ADGRL1: variants seen among roughly 807,000 people sequenced by gnomAD.
ADGRL1 encodes CIRL-1.
ADGRL1 carries 31 observed loss-of-function variants against 148.9 expected under a neutral mutation model. The ratio of observed to expected loss-of-function variants is 0.21; its 90% CI spans 0.16 to 0.28. ADGRL1 has a LOEUF of 0.28. ADGRL1 is among the 10% of genes least tolerant of loss of function. The pLI, the probability that ADGRL1 is intolerant of heterozygous loss-of-function variation, is 1.00. For missense variants in ADGRL1, 1,521 were observed against 2,058.8 expected, an observed-to-expected ratio of 0.74 and a Z score of 5.05; for synonymous variants, 937 against 900.3, an observed-to-expected ratio of 1.04 and a Z score of -0.73.
intron 4 of ADGRL1, among the ~76,000 whole-genome samples, chr19:14,164,174 GAA>G (rs1264327308): frequency 6.6e-6 from 1 of 152,034 alleles, no homozygotes; most frequent in Non-Finnish European, 1.5e-5. Flanking sequence ...GACGGGGAAT[GAA>G]AGAGTCTGGC....
rs376009289 is a variant in ADGRL1, at chr19:14,151,020, C to T, written c.4263G>A (p.Ser1421=). The change falls in exon 23 of 23, where the codon TCG becomes TCA. Residue 1421 remains serine, a synonymous_variant. Transcript: ENST00000361434. The part of the protein sequence containing the change: ...PPGPPEIYYT[S]RPPALVARNP... The stretch of plus-strand genomic sequence containing the variant: ...TCCGGGCCACCAGGGCTGGCGGGCG[C>T]GAGGTGTAGTAGATTTCGGGGGGGC... 5.9e-5 allele frequency: 73 copies of T among 1,241,358 alleles called. No individual in the cohort carries two copies. The highest frequency in any genetic ancestry group is 1.0e-4 in the African/African-American group (5 of 48,476). The allele number at this position is 1,241,358 out of a possible 1,614,324, so 76.9% of individuals were successfully genotyped here. A position where few individuals can be genotyped will look rare whatever the true frequency, so the allele number is the denominator to read the frequency against.
chr19:14,197,711 C>T (rs1972349475), intron 1 of ADGRL1, among the ~76,000 whole-genome samples: 2 of 152,202 alleles, frequency 1.3e-5, no homozygotes, highest in Non-Finnish European at 2.9e-5. Context: ...TGGACTTGGG[C>T]TCAGCTGTTA....
chr19:14,165,362 G>T (rs1157329600), intron 4 of ADGRL1, among the ~76,000 whole-genome samples: 1 of 152,208 alleles, frequency 6.6e-6, no homozygotes, highest in African/African-American at 2.4e-5. Flanking sequence ...ACCCCCACCA[G>T]GTGTGTGGCA....
intron 3 of ADGRL1, among the ~76,000 whole-genome samples, chr19:14,175,534 A>G (rs1186211993): frequency 6.6e-6 from 1 of 151,636 alleles, no homozygotes; most frequent in African/African-American, 2.4e-5. Context: ...ATAACCACAT[A>G]TTCACCCACA....
Position 14,151,149 on chromosome 19 carries a change from G to A in ADGRL1, c.4134C>T (p.Ser1378=), listed in dbSNP as rs1968137701. The A allele has an allele frequency of 6.2e-7, 1 of 1,602,812 alleles. No homozygotes were observed. Among genetic ancestry groups the A allele is most frequent in the Non-Finnish European group, 8.5e-7 (1 of 1,175,970 alleles). ...RPLSSPPGRD[S]LYASGANLRD... ...GCAGGTTGGCCCCGCTGGCATAGAG[G>A]GAGTCCCGGCCAGGAGGGGAGGAGA... Residue 1378 remains serine (S), a synonymous_variant, in exon 23 of 23, where the codon TCC becomes TCT. Transcript: ENST00000361434.
At position 14,162,458 on chromosome 19, in the gene ADGRL1, A is replaced by G. The variant is rs1969492038; in HGVS notation, c.1195+148T>C. On this transcript the variant is annotated intron_variant, in intron 5 of 22. Transcript: ENST00000361434. The surrounding 1 kb of genome is among the most constrained non-coding windows in gnomAD (Gnocchi z 5.4). ...TTAATGACTGTGAAGTGCTTAGAACAGCGTCTGTCACATGCTGTGAATTTC... is the reference window on the plus strand; with the variant it reads ...TTAATGACTGTGAAGTGCTTAGAACGGCGTCTGTCACATGCTGTGAATTTC... 1.7e-5 allele frequency: 11 copies of G among 662,362 alleles called. 1 individual carries two copies. The highest frequency in any genetic ancestry group is 2.6e-5 in the Non-Finnish European group (10 of 386,032). 41.0% of individuals were successfully genotyped at this position (662,362 alleles called of 1,614,324 possible). A position where few individuals can be genotyped will look rare whatever the true frequency, so the allele number is the denominator to read the frequency against.
At chr19:14,179,756 C>G (rs1035228162) in intron 2 of ADGRL1, among the ~76,000 whole-genome samples, 2 of 150,626 alleles carry the variant, frequency 1.3e-5, no homozygotes, top group African/African-American at 4.9e-5. Context: ...TAAAAAACTA[C>G]AAAAATTAGC....
In ADGRL1 at chr19:14,198,797, C is replaced by G. The variant is rs1972426401; in HGVS notation, c.-96+7188G>C. ...CCTCCACCATACCCCTCCTCCCCCT[C>G]CAGGTTGCAGCTGGGAAGCCCCCTC... On this transcript the variant is annotated intron_variant, in intron 1 of 22. Coordinates refer to ENST00000361434, the MANE Select transcript of ADGRL1 (RefSeq NM_014921.5). Among the ~76,000 whole-genome samples the G allele has an allele frequency of 2.0e-5, 3 of 152,312 alleles. No individual in the cohort carries two copies. The South Asian group carries it at 6.2e-4, about 32-fold the overall frequency.
chr19:14,204,886 AG>A (rs1043154663), intron 1 of ADGRL1, among the ~76,000 whole-genome samples: 1 of 151,816 alleles, frequency 6.6e-6, no homozygotes. Flanking sequence ...GCCAGGCGGA[AG>A]GGGGGGCCCT....
chr19:14,186,318 A>G (rs1028490285), intron 1 of ADGRL1, among the ~76,000 whole-genome samples: 14 of 152,182 alleles, frequency 9.2e-5, no homozygotes, highest in African/African-American at 3.4e-4. Context: ...TCAACATCCC[A>G]AAGTGCTGGG....
chr19:14,169,143 T>TG (rs1291460988), intron 4 of ADGRL1: 2 of 152,240 alleles, frequency 1.3e-5, no homozygotes, highest in African/African-American at 4.8e-5. Context: ...GAACCAGGCA[T>TG]GGGTCTGGGC....
rs1972839512 is a variant in ADGRL1, at chr19:14,204,643, G to A, written c.-96+1342C>T. ...CCTCTAAGCAGTGACTCCCTACCAG[G>A]ATAAGGGAGCCGGGCAAGCAGAGAG... On this transcript the variant is annotated intron_variant, in intron 1 of 22. Transcript: ENST00000361434. 2.0e-5 allele frequency among the ~76,000 whole-genome samples: 3 copies of A among 151,682 alleles called. No homozygotes were observed. In the South Asian group the frequency reaches 6.3e-4, roughly 32 times the overall value.
chr19:14,200,324 T>C (rs1362457299), intron 1 of ADGRL1, among the ~76,000 whole-genome samples: 2 of 152,186 alleles, frequency 1.3e-5, no homozygotes, highest in Admixed American at 1.3e-4. Context: ...AGGACTCGCC[T>C]TGTACTTTAA....
chr19:14,201,331 G>T (rs1048683729), intron 1 of ADGRL1, among the ~76,000 whole-genome samples: 1 of 139,654 alleles, frequency 7.2e-6, no homozygotes, highest in Non-Finnish European at 1.5e-5. Context: ...GTGGGGGGGG[G>T]CAAGGTTATT....
At chr19:14,194,593 G>A (rs1220248445) in intron 1 of ADGRL1, among the ~76,000 whole-genome samples, 2 of 152,214 alleles carry the variant, frequency 1.3e-5, no homozygotes, top group African/African-American at 4.8e-5. Flanking sequence ...TGTCATTGAA[G>A]AGATATACCC....
In ADGRL1 at chr19:14,149,472, T is replaced by C. The variant is rs976802286; in HGVS notation, c.*1401A>G. On this transcript the variant is annotated 3_prime_UTR_variant, in exon 23 of 23. Transcript: ENST00000361434. Reference sequence around the variant, plus strand: ...CTCTAGGTGGGAAATCAGCCCCATCTTCCCCGGCGAGAGTCCCCAGAGCAA... The same window carrying C: ...CTCTAGGTGGGAAATCAGCCCCATCCTCCCCGGCGAGAGTCCCCAGAGCAA... The C allele has an allele frequency of 1.3e-5, 2 of 153,186 alleles. No individual in the cohort carries two copies. Among genetic ancestry groups the C allele is most frequent in the Non-Finnish European group, 2.9e-5 (2 of 68,482 alleles). 9.5% of individuals were successfully genotyped at this position (153,186 alleles called of 1,614,324 possible).
intron 1 of ADGRL1, among the ~76,000 whole-genome samples, chr19:14,193,087 C>G (rs1972043422): frequency 6.6e-6 from 1 of 151,964 alleles, no homozygotes; most frequent in African/African-American, 2.4e-5. Context: ...CTTAGGGGTA[C>G]AGACAGAGTT....
Position 14,149,926 on chromosome 19 carries a change from T to TC in ADGRL1, c.*946_*947insG, listed in dbSNP as rs1274393226. The TC allele has an allele frequency of 6.7e-6, 1 of 148,348 alleles. No individual in the cohort carries two copies. Among genetic ancestry groups the TC allele is most frequent in the Non-Finnish European group, 1.5e-5 (1 of 66,764 alleles). The allele number at this position is 148,348 out of a possible 1,614,324, so 9.2% of individuals were successfully genotyped here. On this transcript the variant is annotated 3_prime_UTR_variant, in exon 23 of 23. Transcript: ENST00000361434. ...TGATGAGATTTTTTTTCTTTTCTTT[T>TC]TTTTTTTTTTTGTCTTTTTTTTTTC...
chr19:14,196,369 A>T (rs1050080209), intron 1 of ADGRL1, among the ~76,000 whole-genome samples: 3 of 152,254 alleles, frequency 2.0e-5, no homozygotes, highest in African/African-American at 7.2e-5. Context: ...CTGTAATCCC[A>T]GCACTTCAGG....
Sources: gnomAD v4.1 joint callset for allele counts (sites outside exome capture counted in the v4.1 genomes callset) on GRCh38, gnomAD v4.1.1 for gene constraint, Gnocchi (gnomAD v3.1) non-coding constraint, MANE v1.5 for transcripts, NCBI Gene and HGNC (gene_info 2026-07-23, HGNC 2026-07-21) for gene names.